Variants in MUC5B observed in about 807,000 individuals in gnomAD.
The protein encoded by MUC5B is mucin 5B, oligomeric mucus/gel-forming.
In MUC5B, 116 loss-of-function variants were observed where a neutral mutation model predicts 376.9. The observed-to-expected ratio is 0.31, with a 90% confidence interval of 0.26 to 0.36. MUC5B has a LOEUF of 0.36. MUC5B is among the 10% of genes least tolerant of loss of function. MUC5B has a pLI of 1.00. For missense variants in MUC5B, 7,165 were observed against 7,769.9 expected (o/e 0.92, Z 2.93); for synonymous variants, 3,517 against 3,390.9 (o/e 1.04, Z -1.29).
Position 1,243,205 on chromosome 11 carries a change from A to G in MUC5B, c.6325A>G (p.Thr2109Ala). 6.3e-7 allele frequency: 1 copy of G among 1,587,994 alleles called. No homozygotes were observed. Among genetic ancestry groups the G allele is most frequent in the South Asian group, 1.1e-5 (1 of 89,370 alleles). Reference protein sequence around the residue: ...THTATVLTTTTTTVATGSMAT... With the variant: ...THTATVLTTTATTVATGSMAT... Reference sequence around the variant, plus strand: ...CACCGCCACAGTGCTGACCACCACCACCACAACTGTGGCCACTGGTTCTAT... The same window carrying G: ...CACCGCCACAGTGCTGACCACCACCGCCACAACTGTGGCCACTGGTTCTAT... Residue 2109 changes from threonine (T) to alanine (A), a missense_variant, in exon 31 of 49, where the codon ACC (threonine) becomes GCC (alanine). By Grantham distance (58) the Thr-to-Ala change is moderately conservative. This residue lies in a region of MUC5B where 897 missense variants were observed against 779.6 expected (regional missense o/e 1.15). Transcript: ENST00000529681.
chr11:1,248,013 C>T lies in MUC5B; in HGVS notation c.11133C>T (p.Thr3711=). ...TTTESTGSTA[T]PSSTPGTTWI... ...CTGAGTCCACTGGATCCACGGCCAC[C>T]CCGTCCTCCACCCCAGGGACCACCT... The change falls in exon 31 of 49, where the codon ACC becomes ACT. Residue 3711 remains threonine, a synonymous_variant. Coordinates refer to ENST00000529681, the MANE Select transcript of MUC5B (RefSeq NM_002458.3). The T allele has an allele frequency of 6.2e-7, 1 of 1,609,460 alleles. No individual in the cohort carries two copies. Among genetic ancestry groups the T allele is most frequent in the South Asian group, 1.1e-5 (1 of 90,946 alleles).
Position 1,255,570 on chromosome 11 carries a change from C to T in MUC5B, c.16066+12C>T, listed in dbSNP as rs941320483. The T allele has an allele frequency of 3.1e-5, 46 of 1,504,672 alleles. No individual in the cohort carries two copies. The East Asian group carries it at 5.2e-4, about 17-fold the overall frequency. The allele number at this position is 1,504,672 out of a possible 1,614,324, so 93.2% of individuals were successfully genotyped here. On this transcript the variant is annotated intron_variant, in intron 37 of 48. Coordinates refer to ENST00000529681, the MANE Select transcript of MUC5B (RefSeq NM_002458.3). ...CGGTGGCCTGTGCGGTGAGTGGGGG[C>T]GGCCCCGGGCCCCCCAGACCCCTCG...
rs774724798 is a variant in MUC5B at position 1,243,780 on chromosome 11, C to T, written c.6900C>T (p.Ser2300=). 6.2e-7 allele frequency: 1 copy of T among 1,611,608 alleles called. No individual in the cohort carries two copies. Residue 2300 remains serine, a synonymous_variant, in exon 31 of 49, where the codon AGC becomes AGT. Transcript: ENST00000529681. ...GCACCTCGACCCTGCTGCCCAGCAG[C>T]CCCACATCGGCCCCCATAACCACGG... ...KTRTSTLLPS[S]PTSAPITTVV...
Position 1,233,036 on chromosome 11 carries a change from A to G in MUC5B, c.2089A>G (p.Lys697Glu). ...VCTKYMQNCP[K>E]SQRYAYVVDA... is the part of the protein sequence containing the mutation. ...AGCCAAGTACATGCAGAACTGCCCCAAGTCCCAGCGCTACGCCTACGTGGT... is the reference window on the plus strand; with the variant it reads ...AGCCAAGTACATGCAGAACTGCCCCGAGTCCCAGCGCTACGCCTACGTGGT... The change falls in exon 18 of 49, where the codon AAG (lysine) becomes GAG (glutamate). Residue 697 changes from lysine (K) to glutamate (E), a missense_variant. Lys to Glu is a moderately conservative substitution (Grantham distance 56). Coordinates refer to ENST00000529681, the MANE Select transcript of MUC5B (RefSeq NM_002458.3). 6.3e-7 allele frequency: 1 copy of G among 1,599,618 alleles called. No homozygotes were observed. The highest frequency in any genetic ancestry group is 8.5e-7 in the Non-Finnish European group (1 of 1,177,108).
At position 1,239,729 on chromosome 11, in the gene MUC5B, C is replaced by A. The variant is rs575955370; in HGVS notation, c.3584-70C>A. 87 of 1,528,034 alleles carry A rather than the reference C, an allele frequency of 5.7e-5. 1 individual carries two copies. In the Admixed American group the frequency reaches 1.7e-3, roughly 30 times the overall value. The allele number at this position is 1,528,034 out of a possible 1,614,324, so 94.7% of individuals were successfully genotyped here. A position where few individuals can be genotyped will look rare whatever the true frequency, so the allele number is the denominator to read the frequency against. Reference sequence around the variant, plus strand: ...GCTGGTGGGGGGCGGCTACTCCCTGCAGCATGGAGCCCCTGGCTGGAGAGA... The same window carrying A: ...GCTGGTGGGGGGCGGCTACTCCCTGAAGCATGGAGCCCCTGGCTGGAGAGA... On this transcript the variant is annotated intron_variant, in intron 27 of 48. Transcript: ENST00000529681.
Position 1,237,057 on chromosome 11 carries a change from G to T in MUC5B, c.3190G>T (p.Ala1064Ser), listed in dbSNP as rs751342793. 1.3e-6 allele frequency: 2 copies of T among 1,580,958 alleles called. No homozygotes were observed. Among genetic ancestry groups the T allele is most frequent in the South Asian group, 1.2e-5 (1 of 86,396 alleles). Residue 1064 changes from alanine (A) to serine (S), a missense_variant, in exon 25 of 49, where the codon GCC becomes TCC. Physicochemically the swap from Ala to Ser is moderately conservative, Grantham distance 99 (BLOSUM62 1). Coordinates refer to ENST00000529681, the MANE Select transcript of MUC5B (RefSeq NM_002458.3). ...GAAGCTCTCCCCCTCCTGCCCGGAC[G>T]CCCTGGCACCCAAGGACCCCTGCAC... ...SWKLSPSCPD[A>S]LAPKDPCTAN...
chr11:1,242,589 G>C lies in MUC5B; in HGVS notation c.5709G>C (p.Thr1903=). Residue 1903 remains threonine, a synonymous_variant, in exon 31 of 49, where the codon ACG becomes ACC. Transcript: ENST00000529681. ...STATPSSTPG[T]TWILTKPTTT... The stretch of plus-strand genomic sequence containing the variant: ...CCACGCCCTCCTCAACTCCGGGGAC[G>C]ACCTGGATCCTCACAAAGCCGACCA... The C allele has an allele frequency of 6.2e-7, 1 of 1,612,510 alleles. No homozygotes were observed. The highest frequency in any genetic ancestry group is 8.5e-7 in the Non-Finnish European group (1 of 1,179,536).
intron 12 of MUC5B, 94 bp downstream of exon 12, chr11:1,230,694 G>A: frequency 8.3e-7 from 1 of 1,206,934 alleles, no homozygotes; most frequent in Non-Finnish European, 1.2e-6. Flanking sequence ...CCAGCCCCGA[G>A]GCCAGGTCCC....
intron 38 of MUC5B, 22 bp downstream of exon 38, chr11:1,256,247 G>T (rs781338506): frequency 1.1e-5 from 8 of 718,852 alleles, no homozygotes; most frequent in Middle Eastern, 4.6e-4. Flanking sequence ...GATGGCTGGT[G>T]CCTTCCCTGC....
At chr11:1,254,902 C>T (rs746725895) in intron 35 of MUC5B, 22 bp downstream of exon 35, 30 of 1,604,812 alleles carry the variant, frequency 1.9e-5, no homozygotes, top group Non-Finnish European at 2.5e-5. Flanking sequence ...GCGGGTCCTG[C>T]CCCGGCCAGG....
chr11:1,234,173 C>G lies in MUC5B; in HGVS notation c.2378-32C>G. ...AGTTGAGGGCCGTGGCTGCCCTTCC[C>G]CAGGACCCCTCCCACCAAGCTCTGT... On this transcript the variant is annotated intron_variant, in intron 19 of 48. Coordinates refer to ENST00000529681, the MANE Select transcript of MUC5B (RefSeq NM_002458.3). The surrounding 1 kb of genome is among the most constrained non-coding windows in gnomAD (Gnocchi z 6.3). The G allele has an allele frequency of 6.4e-7, 1 of 1,550,656 alleles. No homozygotes were observed. Among genetic ancestry groups the G allele is most frequent in the South Asian group, 1.2e-5 (1 of 85,244 alleles).
chr11:1,239,038 C>T lies in MUC5B; in HGVS notation c.3454+11C>T. On this transcript the variant is annotated intron_variant, in intron 26 of 48. Transcript: ENST00000529681. ...CTCCGGACACCTGCCGTGAGTCGGG[C>T]TCTGTCCGTGGTGCTGAAGGGTGGA... 6.4e-7 allele frequency: 1 copy of T among 1,570,466 alleles called. No homozygotes were observed. The highest frequency in any genetic ancestry group is 8.6e-7 in the Non-Finnish European group (1 of 1,158,838).
chr11:1,251,867 T>C (rs1050306908), intron 31 of MUC5B, 124 bp downstream of exon 31: 1 of 743,772 alleles, frequency 1.3e-6, no homozygotes, highest in Non-Finnish European at 2.2e-6. Context: ...CTGGCCTCAC[T>C]TGGCCCCTCC....
rs1253413772 is a variant in MUC5B, at chr11:1,255,527, T to C, written c.16035T>C (p.Ser5345=). 1.3e-6 allele frequency: 2 copies of C among 1,542,882 alleles called. No individual in the cohort carries two copies. Among genetic ancestry groups the C allele is most frequent in the Non-Finnish European group, 1.8e-6 (2 of 1,141,734 alleles). ...AELCRARGVC[S]DWRGATGGLC... is the part of the protein sequence containing the mutation. ...TCTGCCGCGCCCGGGGAGTGTGCAG[T>C]GACTGGCGAGGTGCAACCGGTGGCC... is the stretch of plus-strand genomic sequence containing the variant. The change falls in exon 37 of 49, where the codon AGT becomes AGC. Residue 5345 remains serine, a synonymous_variant. Coordinates refer to ENST00000529681, the MANE Select transcript of MUC5B (RefSeq NM_002458.3).
chr11:1,256,572 C>T, intron 38 of MUC5B, 99 bp from the exon 39 acceptor site: 1 of 617,862 alleles, frequency 1.6e-6, no homozygotes, highest in Non-Finnish European at 2.8e-6. Context: ...CCATTCATCT[C>T]CTTCCCTGCT....
chr11:1,259,283 A>G (rs1225052183), intron 44 of MUC5B, among the ~76,000 whole-genome samples: 1 of 143,522 alleles, frequency 7.0e-6, no homozygotes, highest in Non-Finnish European at 1.5e-5. Flanking sequence ...GTGAGACCTG[A>G]GTCACCTGCC....
chr11:1,235,408 G>C lies in MUC5B; in HGVS notation c.2875G>C (p.Val959Leu), dbSNP rs371115443. 1.2e-6 allele frequency: 2 copies of C among 1,611,522 alleles called. No individual in the cohort carries two copies. Among genetic ancestry groups the C allele is most frequent in the South Asian group, 2.2e-5 (2 of 90,918 alleles). The change falls in exon 23 of 49, where the codon GTG becomes CTG. Residue 959 changes from valine (V) to leucine (L), a missense_variant. Around this residue, in one of 31 missense-constraint regions of MUC5B, gnomAD observed 530 missense variants for 604.0 expected, o/e 0.88. Transcript: ENST00000529681. ...TTCSKAIKLF[V>L]ESYELILQEG... is the part of the protein sequence containing the mutation. ...CTGCTCCAAGGCCATCAAGCTCTTC[G>C]TGGAGGTGAGAACGGCCCCAGCTGT...
In MUC5B at chr11:1,247,187, C is replaced by T. The variant is rs1180973603; in HGVS notation, c.10307C>T (p.Ser3436Phe). ...PAATSSTVTPSSALGTTHTPP... is the reference protein window; with the variant it reads ...PAATSSTVTPFSALGTTHTPP... ...GCCACCAGCAGCACAGTGACTCCCT[C>T]CTCTGCCCTAGGGACCACCCACACA... is the stretch of plus-strand genomic sequence containing the variant. The change falls in exon 31 of 49, where the codon TCC (serine) becomes TTC (phenylalanine). Residue 3436 changes from serine (S) to phenylalanine (F), a missense_variant. Physicochemically the swap from Ser to Phe is radical, Grantham distance 155. Coordinates refer to ENST00000529681, the MANE Select transcript of MUC5B (RefSeq NM_002458.3). The T allele has an allele frequency of 1.9e-6, 3 of 1,564,722 alleles. No individual in the cohort carries two copies. The highest frequency in any genetic ancestry group is 4.5e-5 in the East Asian group (2 of 44,100).
In MUC5B at chr11:1,225,755, G is replaced by T; in HGVS notation, c.127+18G>T. On this transcript the variant is annotated intron_variant, in intron 2 of 48. Transcript: ENST00000529681. Reference sequence around the variant, plus strand: ...GGATGGCGGTATGTGGCCAGGTTCGGGGGTGGGGGGTTCCTGACCAGGCTG... The same window carrying T: ...GGATGGCGGTATGTGGCCAGGTTCGTGGGTGGGGGGTTCCTGACCAGGCTG... 4 of 1,599,614 alleles carry T rather than the reference G, an allele frequency of 2.5e-6. No individual in the cohort carries two copies. Among genetic ancestry groups the T allele is most frequent in the Non-Finnish European group, 3.4e-6 (4 of 1,173,810 alleles).
Sources: gnomAD v4.1 joint callset for allele counts (sites outside exome capture counted in the v4.1 genomes callset) on GRCh38, gnomAD v4.1.1 for gene constraint, gnomAD v4.1.1 regional missense constraint, Gnocchi (gnomAD v3.1) non-coding constraint, MANE v1.5 for transcripts, NCBI Gene and HGNC (gene_info 2026-07-23, HGNC 2026-07-21) for gene names.